Variants in GLUD1 observed in about 807,000 individuals in gnomAD.
GLUD1 encodes the protein glutamate dehydrogenase 1.
GLUD1 carries 22 observed loss-of-function variants against 56.0 expected under a neutral mutation model. That is an observed-to-expected ratio of 0.39 (90% CI 0.28 to 0.56). The LOEUF is 0.56. Among genes scored for constraint, GLUD1 ranks in the 20% least tolerant of loss-of-function variants. GLUD1 has a pLI of 0.58. For synonymous variants in GLUD1, 223 were observed against 269.9 expected, an observed-to-expected ratio of 0.83 and a Z score of 1.70; for missense variants, 451 against 732.0, an observed-to-expected ratio of 0.62 and a Z score of 4.43.
In GLUD1 at chr10:87,094,361, C is replaced by T. The variant is rs1339662825; in HGVS notation, c.409G>A (p.Ala137Thr). The T allele has an allele frequency of 6.2e-7, 1 of 1,611,720 alleles. No homozygotes were observed. Among genetic ancestry groups the T allele is most frequent in the Admixed American group, 1.7e-5 (1 of 59,876 alleles). ...GSWEVIEGYR[A>T]QHSQHRTPCK... ...GGCGTGCGGTGCTGGCTGTGCTGGG[C>T]CCGGTAGCCTTCGATGACCTCCCAG... Residue 137 changes from alanine (A) to threonine (T), a missense_variant, in exon 1 of 13, where the codon GCC becomes ACC. Around this residue, in one of 4 missense-constraint regions of GLUD1, gnomAD observed 248 missense variants for 460.0 expected, o/e 0.54. Transcript: ENST00000277865. The surrounding 1 kb of genome is among the most constrained non-coding windows in gnomAD (Gnocchi z 6.6).
chr10:87,090,231 A>C (rs1368106287), intron 1 of GLUD1, among the ~76,000 whole-genome samples: 1 of 152,228 alleles, frequency 6.6e-6, no homozygotes, highest in East Asian at 1.9e-4. Context: ...ACTCTGAATT[A>C]TTAACAGCGG....
intron 4 of GLUD1, among the ~76,000 whole-genome samples, chr10:87,071,753 A>G (rs1846244434): frequency 6.6e-6 from 1 of 152,198 alleles, no homozygotes; most frequent in South Asian, 2.1e-4. Context: ...AACTCATTCC[A>G]TGAGGCTAGA....
intron 1 of GLUD1, among the ~76,000 whole-genome samples, chr10:87,092,263 T>C (rs111470544): frequency 0.097 from 14,782 of 152,270 alleles, 924 homozygotes; most frequent in Admixed American, 0.14. Context: ...CATAGCTATG[T>C]AATCTTCCCC....
chr10:87,092,653 A>C, intron 1 of GLUD1: 1 of 970,980 alleles, frequency 1.0e-6, no homozygotes, highest in Non-Finnish European at 1.2e-6. Context: ...AGAGCTGGGC[A>C]TCTGAAGAAT....
In GLUD1 at chr10:87,051,463, A is replaced by G; in HGVS notation, c.*288T>C. On this transcript the variant is annotated 3_prime_UTR_variant, in exon 13 of 13. Transcript: ENST00000277865. ...AGCACTGATTGTGTTGGGAAAAGCC[A>G]CAGAGCAAGGCTGCACAGCCAGATA... 1 of 450,484 alleles carries G rather than the reference A, an allele frequency of 2.2e-6. No individual in the cohort carries two copies. 27.9% of individuals were successfully genotyped at this position (450,484 alleles called of 1,614,324 possible). A position where few individuals can be genotyped will look rare whatever the true frequency, so the allele number is the denominator to read the frequency against.
rs557159040 is a variant in GLUD1, at chr10:87,062,907, A to G, written c.742-72T>C. 224 of 1,354,886 alleles carry G rather than the reference A, an allele frequency of 1.7e-4. No homozygotes were observed. The South Asian group carries it at 1.9e-3, about 11-fold the overall frequency. 83.9% of individuals were successfully genotyped at this position (1,354,886 alleles called of 1,614,324 possible). On this transcript the variant is annotated intron_variant, in intron 5 of 12. Transcript: ENST00000277865. The stretch of plus-strand genomic sequence containing the variant: ...TCTGTTGAAGGAACATAATGAATTA[A>G]AGTCAAAGCACATTCTCATTTAATC...
At chr10:87,084,183 G>A (rs1263049848) in intron 1 of GLUD1, among the ~76,000 whole-genome samples, 7 of 152,196 alleles carry the variant, frequency 4.6e-5, no homozygotes, top group African/African-American at 9.7e-5. Flanking sequence ...ATAGAATGAC[G>A]TATGTACTAC....
intron 12 of GLUD1, 44 bp from the exon 13 acceptor site, chr10:87,051,914 G>A (rs1845641039): frequency 6.2e-7 from 1 of 1,612,336 alleles, no homozygotes; most frequent in African/African-American, 1.3e-5. Flanking sequence ...CCTGACTCAA[G>A]TGGCCAGGCC....
In GLUD1 at chr10:87,077,625, C is replaced by G. The variant is rs141975667; in HGVS notation, c.446-969G>C. ...AGGGTATACTGGAAGTGGGGATGCC[C>G]ACAGCTTTGGCTTTGGGGGTCTTGG... On this transcript the variant is annotated intron_variant, in intron 1 of 12. Coordinates refer to ENST00000277865, the MANE Select transcript of GLUD1 (RefSeq NM_005271.5). Among the ~76,000 whole-genome samples the G allele has an allele frequency of 6.2e-3, 943 of 151,110 alleles. 6 individuals are homozygous for G. The highest frequency in any genetic ancestry group is 0.022 in the African/African-American group (887 of 41,122).
Position 87,094,111 on chromosome 10 carries a change from G to C in GLUD1, c.445+214C>G. Reference sequence around the variant, plus strand: ...ACAGAGGCCCGGGGTGACGGCGCGGGGGAGGGGGCAGGCCAATCGCATGAT... The same window carrying C: ...ACAGAGGCCCGGGGTGACGGCGCGGCGGAGGGGGCAGGCCAATCGCATGAT... On this transcript the variant is annotated intron_variant, in intron 1 of 12. Coordinates refer to ENST00000277865, the MANE Select transcript of GLUD1 (RefSeq NM_005271.5). This position sits in a 1 kb window ranked among gnomAD's most constrained non-coding sequence, Gnocchi z 6.6. 1 of 1,500,304 alleles carries C rather than the reference G, an allele frequency of 6.7e-7. No homozygotes were observed. The highest frequency in any genetic ancestry group is 1.2e-5 in the South Asian group (1 of 81,392). 92.9% of individuals were successfully genotyped at this position (1,500,304 alleles called of 1,614,324 possible).
rs955535599 is a variant in GLUD1 at position 87,054,381 on chromosome 10, A to G, written c.1495-977T>C. Among the ~76,000 whole-genome samples, 7 of 152,318 alleles carry G rather than the reference A, an allele frequency of 4.6e-5. No individual in the cohort carries two copies. The East Asian group carries it at 1.4e-3, about 29-fold the overall frequency. ...GCCTTCCAATGTTAGGAGAGTGAAG[A>G]GTTGAAGAGATACCAGCAAGAGGCA... On this transcript the variant is annotated intron_variant, in intron 11 of 12. Transcript: ENST00000277865.
chr10:87,069,496 C>CA (rs1307251116), intron 4 of GLUD1, among the ~76,000 whole-genome samples: 10 of 128,432 alleles, frequency 7.8e-5, no homozygotes, highest in African/African-American at 3.0e-4. Flanking sequence ...GCCTGGGCGA[C>CA]AGAGTAAGAC....
chr10:87,053,293 T>A, intron 12 of GLUD1, 49 bp downstream of exon 12: 4 of 1,227,750 alleles, frequency 3.3e-6, no homozygotes, highest in Non-Finnish European at 3.6e-6. Context: ...CATGGTTGAG[T>A]TGCACTTCAT....
chr10:87,078,791 G>C (rs967714245), intron 1 of GLUD1, among the ~76,000 whole-genome samples: 4 of 152,122 alleles, frequency 2.6e-5, no homozygotes, highest in Non-Finnish European at 4.4e-5. Context: ...CAATTAGAAG[G>C]AATAAGTTTC....
chr10:87,076,479 C>T, intron 2 of GLUD1, 97 bp downstream of exon 2: 1 of 820,710 alleles, frequency 1.2e-6, no homozygotes. Flanking sequence ...AAAATCAGTT[C>T]TGATAAGGTA....
chr10:87,067,884 CA>C lies in GLUD1; in HGVS notation c.741+178del, dbSNP rs1423875188. On this transcript the variant is annotated intron_variant, in intron 5 of 12. Coordinates refer to ENST00000277865, the MANE Select transcript of GLUD1 (RefSeq NM_005271.5). ...TATAGGGCAGCATATAAGTAAAGCT[CA>C]ATCTGTGTTCATTACGATTTAAGAA... is the stretch of plus-strand genomic sequence containing the variant. The C allele has an allele frequency of 9.9e-6, 6 of 606,386 alleles. No homozygotes were observed. The East Asian group carries it at 1.9e-4, about 19-fold the overall frequency. 37.6% of individuals were successfully genotyped at this position (606,386 alleles called of 1,614,324 possible). A position where few individuals can be genotyped will look rare whatever the true frequency, so the allele number is the denominator to read the frequency against.
At chr10:87,082,503 G>T (rs372384845) in intron 1 of GLUD1, among the ~76,000 whole-genome samples, 34 of 152,306 alleles carry the variant, frequency 2.2e-4, no homozygotes, top group East Asian at 1.5e-3. Flanking sequence ...AACCAATAAA[G>T]GTTTAGTGAA....
At chr10:87,051,955 C>A in intron 12 of GLUD1, 85 bp from the exon 13 acceptor site, 1 of 1,466,648 alleles carries the variant, frequency 6.8e-7, no homozygotes, top group South Asian at 1.1e-5. Context: ...CAGGCCTGGT[C>A]CAAGTTACCC....
chr10:87,090,596 A>G (rs566164629), intron 1 of GLUD1, among the ~76,000 whole-genome samples: 1 of 152,334 alleles, frequency 6.6e-6, no homozygotes, highest in Non-Finnish European at 1.5e-5. Flanking sequence ...GCATAAGGGC[A>G]ACACATTTCC....
Sources: allele counts gnomAD v4.1 joint callset (sites outside exome capture counted in the v4.1 genomes callset), GRCh38; gene constraint gnomAD v4.1.1; regional missense constraint gnomAD v4.1.1; non-coding constraint Gnocchi (gnomAD v3.1); transcripts MANE v1.5; gene names NCBI Gene and HGNC (gene_info 2026-07-23, HGNC 2026-07-21).